Variants in MICAL2 observed in about 807,000 individuals in gnomAD.
MICAL2 encodes [F-actin]-monooxygenase MICAL2.
In MICAL2, 77 loss-of-function variants were observed where a neutral mutation model predicts 127.3. The observed-to-expected ratio is 0.60, with a 90% CI of 0.50 to 0.73. The LOEUF is 0.73. Among genes scored for constraint, MICAL2 ranks in the 30% least tolerant of loss-of-function variants. The probability of loss-of-function intolerance (pLI) is 0.00; values close to 1 mark genes in which losing one functional copy is unlikely to be tolerated. For missense variants in MICAL2, 1,351 were observed against 1,434.4 expected, an observed-to-expected ratio of 0.94 and a Z score of 0.94; for synonymous variants, 570 against 551.1, an observed-to-expected ratio of 1.03 and a Z score of -0.48.
chr11:12,293,498 T>A (rs1863929591), downstream of MICAL2: 1 of 1,515,168 alleles, frequency 6.6e-7, no homozygotes. Context: ...GAGATTTGCT[T>A]TCATCATATA....
chr11:12,220,020 G>C (rs16910796), intron 8 of MICAL2, among the ~76,000 whole-genome samples, 181 bp from the exon 9 acceptor site: 6,603 of 152,228 alleles, frequency 0.043, 287 homozygotes, highest in East Asian at 0.26. Context: ...AATCACAACC[G>C]TGTTAACCCT....
intron 29 of MICAL2, among the ~76,000 whole-genome samples, chr11:12,305,017 C>T (rs1324774927): frequency 6.6e-6 from 1 of 152,090 alleles, no homozygotes. Context: ...GGAGAATTAA[C>T]GTCTTTGCAA....
intron 2 of MICAL2, among the ~76,000 whole-genome samples, chr11:12,150,981 G>A (rs1166992499): frequency 6.6e-6 from 1 of 152,252 alleles, no homozygotes. Context: ...GCTCAGCGCT[G>A]TGAGAGGCCC....
Position 12,256,945 on chromosome 11 carries a change from C to A in MICAL2, c.3116C>A (p.Ala1039Asp). The change falls in exon 24 of 28, where the codon GCC becomes GAC. Residue 1039 changes from alanine (A) to aspartate (D), a missense_variant. Around this residue, in one of 2 missense-constraint regions of MICAL2, gnomAD observed 752 missense variants for 719.4 expected, o/e 1.05. Coordinates refer to ENST00000683283, the MANE Select transcript of MICAL2 (RefSeq NM_001282663.2). ...CSICATTLRL[A>D]AYTFDCDEGK... ...ATCTGTGCCACCACCTTGCGCCTGG[C>A]CGCCTACACCTTTGACTGCGATGAA... The A allele has an allele frequency of 7.4e-6, 12 of 1,613,638 alleles. No homozygotes were observed. The highest frequency in any genetic ancestry group is 1.0e-5 in the Non-Finnish European group (12 of 1,179,758).
intron 26 of MICAL2, chr11:12,261,478 C>T: frequency 1.0e-6 from 1 of 985,534 alleles, no homozygotes; most frequent in Non-Finnish European, 1.2e-6. Context: ...GCTGCCTAGA[C>T]ATACACAGCT....
intron 25 of MICAL2, 86 bp downstream of exon 25, chr11:12,258,642 C>T (rs1218274642): frequency 1.5e-5 from 19 of 1,276,108 alleles, no homozygotes; most frequent in Middle Eastern, 3.9e-4. Context: ...GCCAGCTTTG[C>T]TGGCCCTAGA....
intron 32 of MICAL2, among the ~76,000 whole-genome samples, chr11:12,343,767 T>A (rs1565311067): frequency 6.6e-6 from 1 of 152,188 alleles, no homozygotes; most frequent in Non-Finnish European, 1.5e-5. Context: ...GATGGTATAA[T>A]GTTAGATACG....
chr11:12,306,540 T>C (rs1334206590), intron 29 of MICAL2, among the ~76,000 whole-genome samples: 1 of 152,244 alleles, frequency 6.6e-6, no homozygotes, highest in Non-Finnish European at 1.5e-5. Context: ...TATATAGTAA[T>C]GGAACTGCTT....
chr11:12,154,783 T>C (rs1853980252), intron 2 of MICAL2, among the ~76,000 whole-genome samples: 1 of 152,202 alleles, frequency 6.6e-6, no homozygotes. Flanking sequence ...ACTTGTAGAC[T>C]CTCCAAGCCC....
chr11:12,318,512 G>A (rs983534917), intron 29 of MICAL2, among the ~76,000 whole-genome samples: 1 of 152,178 alleles, frequency 6.6e-6, no homozygotes, highest in African/African-American at 2.4e-5. Context: ...GTCAAACTTG[G>A]CCTCTCTCAC....
At chr11:12,318,174 C>T (rs1264179878) in intron 29 of MICAL2, among the ~76,000 whole-genome samples, 1 of 152,194 alleles carries the variant, frequency 6.6e-6, no homozygotes, top group East Asian at 1.9e-4. Context: ...CACTGATTAT[C>T]TCCACCCTTC....
downstream of MICAL2, among the ~76,000 whole-genome samples, chr11:12,290,070 A>G (rs1863877470): frequency 6.6e-6 from 1 of 152,118 alleles, no homozygotes; most frequent in East Asian, 1.9e-4. Context: ...GGCATCAGGA[A>G]GGGTAGGTTT....
At chr11:12,332,695 AGT>A (rs1938663900) in intron 32 of MICAL2, among the ~76,000 whole-genome samples, 1 of 152,206 alleles carries the variant, frequency 6.6e-6, no homozygotes, top group Admixed American at 6.5e-5. Flanking sequence ...CTGTGCGTGC[AGT>A]GAGTTGTCCC....
At chr11:12,244,552 C>T (rs920017552) in intron 21 of MICAL2, among the ~76,000 whole-genome samples, 1 of 152,126 alleles carries the variant, frequency 6.6e-6, no homozygotes, top group African/African-American at 2.4e-5. Context: ...ATAAACTTAA[C>T]GTAACACTAT....
At chr11:12,243,886 C>T in intron 20 of MICAL2, 101 bp from the exon 21 acceptor site, 2 of 1,425,496 alleles carry the variant, frequency 1.4e-6, no homozygotes. Flanking sequence ...CCTTTCTTTG[C>T]CTTCTTGAGT....
intron 32 of MICAL2, among the ~76,000 whole-genome samples, chr11:12,333,042 T>C (rs904198686): frequency 7.2e-5 from 11 of 152,166 alleles, no homozygotes; most frequent in African/African-American, 1.9e-4. Flanking sequence ...CATGGCCTCA[T>C]TGCAAGCCAA....
intron 20 of MICAL2, 53 bp downstream of exon 20, chr11:12,242,825 A>G: frequency 1.5e-6 from 2 of 1,371,212 alleles, no homozygotes; most frequent in South Asian, 2.6e-5. Context: ...ACATCCAGCC[A>G]GGTGACCTTG....
In MICAL2 at chr11:12,276,476, CTG is replaced by C. The variant is rs563135141; in HGVS notation, c.87+312_87+313del. The C allele has an allele frequency of 8.9e-5, 19 of 212,902 alleles. No individual in the cohort carries two copies. The South Asian group carries it at 1.3e-3, about 15-fold the overall frequency. The allele number at this position is 212,902 out of a possible 1,614,324, so 13.2% of individuals were successfully genotyped here. A position where few individuals can be genotyped will look rare whatever the true frequency, so the allele number is the denominator to read the frequency against. On this transcript the variant is annotated intron_variant, in intron 1 of 2. Transcript: ENST00000529028. The stretch of plus-strand genomic sequence containing the variant: ...TTCTCAGGAGGCAGTGTCATGCTGA[CTG>C]TAGTGAGGGGTGCAGAATGGGTGTC...
chr11:12,283,117 TAC>T (rs1183784034), intron 2 of MICAL2, among the ~76,000 whole-genome samples: 1 of 152,234 alleles, frequency 6.6e-6, no homozygotes, highest in African/African-American at 2.4e-5. Context: ...GACCACATTG[TAC>T]AGTTAAGCTC....
Sources: gnomAD v4.1 joint callset for allele counts (sites outside exome capture counted in the v4.1 genomes callset) on GRCh38, gnomAD v4.1.1 for gene constraint, gnomAD v4.1.1 regional missense constraint, MANE v1.5 for transcripts, NCBI Gene and HGNC (gene_info 2026-07-23, HGNC 2026-07-21) for gene names.